ACAD11: variants seen among roughly 807,000 people sequenced by gnomAD.
The protein encoded by ACAD11 is acyl-CoA dehydrogenase family member 11.
A neutral mutation model predicts 102.2 loss-of-function variants in ACAD11; 83 were observed. The observed-to-expected ratio is 0.81, with a 90% CI of 0.68 to 0.97. ACAD11 has a LOEUF of 0.97. Ranked by LOEUF, ACAD11 falls within the 50% of genes least tolerant of loss-of-function variation. ACAD11 has a pLI of 0.00. For missense variants in ACAD11, 901 were observed against 951.7 expected, an observed-to-expected ratio of 0.95 and a Z score of 0.70; for synonymous variants, 324 against 319.8, an observed-to-expected ratio of 1.01 and a Z score of -0.14.
chr3:132,606,551 C>T (rs149188012), intron 11 of ACAD11, among the ~76,000 whole-genome samples: 13 of 152,238 alleles, frequency 8.5e-5, no homozygotes, highest in African/African-American at 2.9e-4. Context: ...AATGATTTCC[C>T]ATTAAAAAAT....
At position 132,642,022 on chromosome 3, in the gene ACAD11, A is replaced by G. The variant is rs140456617; in HGVS notation, c.487T>C (p.Ser163Pro). 352 of 1,614,028 alleles carry G rather than the reference A, an allele frequency of 2.2e-4. No individual in the cohort carries two copies. Among genetic ancestry groups the G allele is most frequent in the Non-Finnish European group, 2.8e-4 (335 of 1,179,916 alleles). ...ATACCATATCCTTCCAGCTGCAGTG[A>G]CTGTATATTCAAGGAATGTAACTGA... ...LAQLHSLNIQ[S>P]LQLEGYGIGA... Residue 163 changes from serine (S) to proline (P), a missense_variant, in exon 4 of 20, where the codon TCA becomes CCA. Ser to Pro is a moderately conservative substitution (Grantham distance 74, BLOSUM62 -1). Transcript: ENST00000264990.
intron 5 of ACAD11, among the ~76,000 whole-genome samples, chr3:132,632,425 C>T (rs1054696094): frequency 2.0e-5 from 3 of 151,942 alleles, no homozygotes; most frequent in Non-Finnish European, 2.9e-5. Flanking sequence ...GTACATATGG[C>T]CAAAAAATCA....
At chr3:132,566,296 C>CAAAAAAAAAA (rs371477145) in intron 17 of ACAD11, among the ~76,000 whole-genome samples, 4 of 61,890 alleles carry the variant, frequency 6.5e-5, no homozygotes, top group African/African-American at 9.3e-5. Context: ...AAAACAAACT[C>CAAAAAAAAAA]AAAAAAACAA....
At chr3:132,632,845 G>C (rs1940105681) in intron 5 of ACAD11, among the ~76,000 whole-genome samples, 1 of 152,192 alleles carries the variant, frequency 6.6e-6, no homozygotes, top group Admixed American at 6.5e-5. Flanking sequence ...AAGCAATTGT[G>C]AATGGGAGTT....
chr3:132,644,908 T>TAAAA lies in ACAD11; in HGVS notation c.150-16_150-13dup. 1 of 1,257,282 alleles carries TAAAA rather than the reference T, an allele frequency of 8.0e-7. No individual in the cohort carries two copies. The highest frequency in any genetic ancestry group is 1.1e-6 in the Non-Finnish European group (1 of 919,390). 77.9% of individuals were successfully genotyped at this position (1,257,282 alleles called of 1,614,324 possible). A position where few individuals can be genotyped will look rare whatever the true frequency, so the allele number is the denominator to read the frequency against. The stretch of plus-strand genomic sequence containing the variant: ...TGGACTTTCCTGCTCTAGATAAAAG[T>TAAAA]AAAAAAAAAAAAGGTCAATTACAAA... On this transcript the variant is annotated splice_polypyrimidine_tract_variant and intron_variant, in intron 1 of 19. Coordinates refer to ENST00000264990, the MANE Select transcript of ACAD11 (RefSeq NM_032169.5).
In ACAD11 at chr3:132,624,380, G is replaced by A. The variant is rs552068925; in HGVS notation, c.1197+2311C>T. Among the ~76,000 whole-genome samples, 12 of 151,514 alleles carry A rather than the reference G, an allele frequency of 7.9e-5. No individual in the cohort carries two copies. The South Asian group carries it at 2.3e-3, about 29-fold the overall frequency. Reference sequence around the variant, plus strand: ...CCAGCACTTTGGGAGGCTGAGGTGCGCGGATCACGAGGTCAGGAGTTCGAG... The same window carrying A: ...CCAGCACTTTGGGAGGCTGAGGTGCACGGATCACGAGGTCAGGAGTTCGAG... On this transcript the variant is annotated intron_variant, in intron 9 of 19. Coordinates refer to ENST00000264990, the MANE Select transcript of ACAD11 (RefSeq NM_032169.5).
chr3:132,658,596 A>C (rs1168304542), intron 1 of ACAD11, among the ~76,000 whole-genome samples: 1 of 152,242 alleles, frequency 6.6e-6, no homozygotes, highest in Non-Finnish European at 1.5e-5. Context: ...TTACAACACA[A>C]GGCTTCTAGC....
At chr3:132,619,917 C>T (rs1167451285) in intron 9 of ACAD11, among the ~76,000 whole-genome samples, 1 of 152,122 alleles carries the variant, frequency 6.6e-6, no homozygotes, top group East Asian at 1.9e-4. Flanking sequence ...TCCTTGGAGG[C>T]CAGAAACAAA....
rs1252575145 is a variant in ACAD11 at position 132,659,655 on chromosome 3, A to G, written c.97T>C (p.Leu33=). The change falls in exon 1 of 20, where the codon TTG becomes CTG. Residue 33 remains leucine, a synonymous_variant. Coordinates refer to ENST00000264990, the MANE Select transcript of ACAD11 (RefSeq NM_032169.5). ...TCACGTTCGGCCCCAAAGCCAGACA[A>G]GTGCTGGTTTAGGTAGGCCTCCAGG... ...KSLEAYLNQH[L]SGFGAEREAT... is the part of the protein sequence containing the mutation. The G allele has an allele frequency of 1.2e-6, 2 of 1,611,544 alleles. No homozygotes were observed. Among genetic ancestry groups the G allele is most frequent in the Non-Finnish European group, 8.5e-7 (1 of 1,178,854 alleles).
chr3:132,561,089 A>C lies in ACAD11; in HGVS notation c.2118+12T>G, dbSNP rs535883646. ...CAGCAGTTGGTGGTCTGAGGGGAGAAGGTAGCCTCACCTCTTTCTTAGCGC... is the reference window on the plus strand; with the variant it reads ...CAGCAGTTGGTGGTCTGAGGGGAGACGGTAGCCTCACCTCTTTCTTAGCGC... On this transcript the variant is annotated intron_variant, in intron 18 of 19. Coordinates refer to ENST00000264990, the MANE Select transcript of ACAD11 (RefSeq NM_032169.5). The C allele has an allele frequency of 6.3e-7, 1 of 1,594,424 alleles. No homozygotes were observed. The highest frequency in any genetic ancestry group is 1.3e-5 in the African/African-American group (1 of 74,714).
chr3:132,628,635 T>C (rs572726187), intron 7 of ACAD11, among the ~76,000 whole-genome samples, 189 bp from the exon 8 acceptor site: 128 of 152,286 alleles, frequency 8.4e-4, no homozygotes, highest in Non-Finnish European at 1.4e-3. Flanking sequence ...ACTCATATCA[T>C]ACAGTTCACA....
chr3:132,578,847 T>C lies in ACAD11; in HGVS notation c.1723A>G (p.Asn575Asp). 1 of 1,613,206 alleles carries C rather than the reference T, an allele frequency of 6.2e-7. No individual in the cohort carries two copies. Among genetic ancestry groups the C allele is most frequent in the Non-Finnish European group, 8.5e-7 (1 of 1,179,484 alleles). Residue 575 changes from asparagine to aspartate, a missense_variant, in exon 15 of 20, where the codon AAC becomes GAC. Transcript: ENST00000264990. ...CTTATTATTTTTACTCCAGGTGTGT[T>C]CATGGGAACAAGAATCATGCTGTGC... Reference protein sequence around the residue: ...KQHSMILVPMNTPGVKIIRPL... With the variant: ...KQHSMILVPMDTPGVKIIRPL...
intron 11 of ACAD11, among the ~76,000 whole-genome samples, chr3:132,615,661 T>C (rs1939377052): frequency 6.6e-6 from 1 of 152,036 alleles, no homozygotes; most frequent in African/African-American, 2.4e-5. Context: ...GAACATCACA[T>C]ATCAGCGCCT....
At position 132,571,349 on chromosome 3, in the gene ACAD11, T is replaced by G. The variant is rs1339872901; in HGVS notation, c.2001+4423A>C. The stretch of plus-strand genomic sequence containing the variant: ...TCTTTGGCCTACTTTTTAACGGTTT[T>G]TTTTTTTTTTTGTAAATTTGTTTAA... On this transcript the variant is annotated intron_variant, in intron 17 of 19. Coordinates refer to ENST00000264990, the MANE Select transcript of ACAD11 (RefSeq NM_032169.5). 2.6e-5 allele frequency among the ~76,000 whole-genome samples: 4 copies of G among 152,016 alleles called. No individual in the cohort carries two copies. The South Asian group carries it at 6.2e-4, about 24-fold the overall frequency.
At chr3:132,590,588 T>C (rs181675767) in intron 13 of ACAD11, among the ~76,000 whole-genome samples, 362 of 152,266 alleles carry the variant, frequency 2.4e-3, no homozygotes, top group Non-Finnish European at 3.8e-3. Context: ...TCCATACTGC[T>C]TTCCACAATG....
intron 1 of ACAD11, chr3:132,649,903 A>T (rs1940871846): frequency 6.6e-6 from 1 of 152,208 alleles, no homozygotes; most frequent in Non-Finnish European, 1.5e-5. Context: ...GATTTCCACA[A>T]ATTTAAATAA....
intron 8 of ACAD11, among the ~76,000 whole-genome samples, chr3:132,627,605 C>T (rs2107860754): frequency 6.6e-6 from 1 of 152,290 alleles, no homozygotes; most frequent in African/African-American, 2.4e-5. Flanking sequence ...AACAAACCAC[C>T]ATGGCACATA....
intron 5 of ACAD11, among the ~76,000 whole-genome samples, chr3:132,637,706 A>G (rs1395844757): frequency 6.6e-6 from 1 of 152,182 alleles, no homozygotes; most frequent in African/African-American, 2.4e-5. Context: ...CAGTGAGCCT[A>G]TTGTGCTACT....
chr3:132,618,547 T>C, intron 11 of ACAD11, 87 bp downstream of exon 11: 1 of 1,174,758 alleles, frequency 8.5e-7, no homozygotes, highest in East Asian at 3.1e-5. Flanking sequence ...AATAACTTTG[T>C]ATAAAAACAC....
Sources: gnomAD v4.1 joint callset for allele counts (sites outside exome capture counted in the v4.1 genomes callset) on GRCh38, gnomAD v4.1.1 for gene constraint, MANE v1.5 for transcripts, NCBI Gene and HGNC (gene_info 2026-07-23, HGNC 2026-07-21) for gene names.